CA12: variants seen among roughly 807,000 people sequenced by gnomAD.
CA12 encodes carbonate dehydratase XII.
CA12 carries 36 observed loss-of-function variants against 46.8 expected under a neutral mutation model. The observed-to-expected ratio is 0.77, with a 90% CI of 0.59 to 1.02. The LOEUF is 1.02. Among genes scored for constraint, CA12 ranks in the 50% least tolerant of loss-of-function variants. CA12 has a pLI of 0.00. For missense variants in CA12, 436 were observed against 451.4 expected, an observed-to-expected ratio of 0.97 and a Z score of 0.31; for synonymous variants, 202 against 187.0, an observed-to-expected ratio of 1.08 and a Z score of -0.65.
Position 63,340,473 on chromosome 15 carries a change from G to T in CA12, c.590-28C>A. ...AGAGAGACATGTTGCAGAGGTGATA[G>T]TGTCAGCCTCCCTCCGTAGGGCATA... On this transcript the variant is annotated intron_variant, in intron 6 of 10. Coordinates refer to ENST00000178638, the MANE Select transcript of CA12 (RefSeq NM_001218.5). This position sits in a 1 kb window ranked among gnomAD's most constrained non-coding sequence, Gnocchi z 4.4. The T allele has an allele frequency of 1.2e-6, 2 of 1,613,962 alleles. No individual in the cohort carries two copies. The highest frequency in any genetic ancestry group is 2.2e-5 in the East Asian group (1 of 44,886).
intron 4 of CA12, 37 bp from the exon 5 acceptor site, chr15:63,342,134 C>T (rs762348184): frequency 1.5e-5 from 20 of 1,357,000 alleles, no homozygotes; most frequent in Non-Finnish European, 1.8e-5. Context: ...AGGAGATAAG[C>T]GACTCATGGG....
intron 2 of CA12, 143 bp from the exon 3 acceptor site, chr15:63,346,852 G>GAA: frequency 1.0e-6 from 1 of 964,516 alleles, no homozygotes; most frequent in Non-Finnish European, 1.6e-6. Flanking sequence ...TCAGAGTCTT[G>GAA]GCCTCCAGAA....
Position 63,339,005 on chromosome 15 carries a change from G to A in CA12, c.748-60C>T. 6.2e-7 allele frequency: 1 copy of A among 1,606,834 alleles called. No individual in the cohort carries two copies. ...ATGACCTCCTCACCTGATCCCCTGG[G>A]AAGAGGCTAGCTCTCCGCTCTTGCA... On this transcript the variant is annotated intron_variant, in intron 7 of 10. Transcript: ENST00000178638. The surrounding 1 kb of genome is among the most constrained non-coding windows in gnomAD (Gnocchi z 4.3).
rs1196425420 is a variant in CA12, at chr15:63,372,600, C to G, written c.106+3058G>C. Among the ~76,000 whole-genome samples, 1 of 152,226 alleles carries G rather than the reference C, an allele frequency of 6.6e-6. No homozygotes were observed. On this transcript the variant is annotated intron_variant, in intron 2 of 10. Coordinates refer to ENST00000178638, the MANE Select transcript of CA12 (RefSeq NM_001218.5). The surrounding 1 kb of genome is among the most constrained non-coding windows in gnomAD (Gnocchi z 4.5). Reference sequence around the variant, plus strand: ...TGAGCCACCATGCCCAGCACGGAGCCTTTGGTTGGACTTGCCCCATTCAGT... The same window carrying G: ...TGAGCCACCATGCCCAGCACGGAGCGTTTGGTTGGACTTGCCCCATTCAGT...
chr15:63,351,431 T>G (rs2039230752), intron 2 of CA12, among the ~76,000 whole-genome samples: 1 of 152,072 alleles, frequency 6.6e-6, no homozygotes, highest in Admixed American at 6.6e-5. Context: ...TACACTCCCT[T>G]TCTCCCTAGC....
Position 63,327,295 on chromosome 15 carries a change from C to G in CA12, c.908-62G>C. The G allele has an allele frequency of 7.6e-7, 1 of 1,323,760 alleles. No homozygotes were observed. Among genetic ancestry groups the G allele is most frequent in the Non-Finnish European group, 1.1e-6 (1 of 934,344 alleles). The allele number at this position is 1,323,760 out of a possible 1,614,324, so 82.0% of individuals were successfully genotyped here. On this transcript the variant is annotated intron_variant, in intron 9 of 10. Transcript: ENST00000178638. This position sits in a 1 kb window ranked among gnomAD's most constrained non-coding sequence, Gnocchi z 4.5. The stretch of plus-strand genomic sequence containing the variant: ...CCTTCCCCTCCATCTTAGCCCATGG[C>G]CCCCGGGTGTGAAATCATGGCCCAG...
intron 2 of CA12, among the ~76,000 whole-genome samples, chr15:63,363,367 T>G (rs1353223080): frequency 6.6e-6 from 1 of 152,186 alleles, no homozygotes; most frequent in Non-Finnish European, 1.5e-5. Flanking sequence ...CAAAAATTAA[T>G]AGAGAAATAA....
At position 63,381,649 on chromosome 15, in the gene CA12, C is replaced by G; in HGVS notation, c.72G>C (p.Pro24=). ...LVILKEQPSS[P]APVNGSKWTY... The stretch of plus-strand genomic sequence containing the variant: ...CGGAAACTTTACCGTTCACTGGGGC[C>G]GGGCTGGAAGGCTGTTCCTTTAAGA... The change falls in exon 1 of 11, where the codon CCG becomes CCC. Residue 24 remains proline, a synonymous_variant. Transcript: ENST00000178638. The G allele has an allele frequency of 6.2e-7, 1 of 1,611,464 alleles. No homozygotes were observed. The highest frequency in any genetic ancestry group is 8.5e-7 in the Non-Finnish European group (1 of 1,178,872).
rs1425361639 is a variant in CA12, at chr15:63,326,100, G to A, written c.*185C>T. On this transcript the variant is annotated 3_prime_UTR_variant, in exon 11 of 11. Transcript: ENST00000178638. ...TGAGAGTGCATCCCATCCATCGATC[G>A]GATGGCTCTGGGGTGGCCATGGTCC... 1.6e-5 allele frequency: 10 copies of A among 619,636 alleles called. No homozygotes were observed. In the East Asian group the frequency reaches 2.0e-4, roughly 12 times the overall value. The allele number at this position is 619,636 out of a possible 1,614,324, so 38.4% of individuals were successfully genotyped here.
intron 8 of CA12, among the ~76,000 whole-genome samples, chr15:63,335,495 A>G (rs1343810375): frequency 2.6e-5 from 4 of 151,332 alleles, no homozygotes; most frequent in African/African-American, 9.7e-5. Context: ...ACAGGGTCTC[A>G]CTCTGTCACC....
intron 2 of CA12, among the ~76,000 whole-genome samples, chr15:63,349,154 G>C (rs928004469): frequency 6.6e-6 from 1 of 152,180 alleles, no homozygotes. Flanking sequence ...AATGGTGGGG[G>C]TGGTGGGCGT....
At position 63,355,751 on chromosome 15, in the gene CA12, C is replaced by G. The variant is rs908027685; in HGVS notation, c.107-9042G>C. On this transcript the variant is annotated intron_variant, in intron 2 of 10. Transcript: ENST00000178638. This position sits in a 1 kb window ranked among gnomAD's most constrained non-coding sequence, Gnocchi z 4.1. ...GAAAACTAGCCAGGCCTGAGCCCCC[C>G]ATCAGTGCTCACCACATGTTATCCT... 1.3e-5 allele frequency among the ~76,000 whole-genome samples: 2 copies of G among 152,012 alleles called. No homozygotes were observed. Among genetic ancestry groups the G allele is most frequent in the African/African-American group, 4.8e-5 (2 of 41,238 alleles).
intron 1 of CA12, 102 bp downstream of exon 1, chr15:63,381,534 T>C: frequency 3.1e-6 from 3 of 975,850 alleles, no homozygotes; most frequent in Non-Finnish European, 4.8e-6. Context: ...ACACCTTCCC[T>C]GCTCCCCGCA....
chr15:63,343,279 CTTTTTTTTT>C (rs35290345), intron 4 of CA12, among the ~76,000 whole-genome samples: 1 of 98,772 alleles, frequency 1.0e-5, no homozygotes, highest in South Asian at 3.7e-4. Flanking sequence ...TAGAAAGAAT[CTTTTTTTTT>C]TTTTTTTTTT....
chr15:63,327,092 A>G lies in CA12; in HGVS notation c.992+57T>C. The G allele has an allele frequency of 1.6e-5, 23 of 1,474,706 alleles. 1 individual carries two copies. The highest frequency in any genetic ancestry group is 2.1e-5 in the Non-Finnish European group (22 of 1,053,822). 91.4% of individuals were successfully genotyped at this position (1,474,706 alleles called of 1,614,324 possible). ...GCCACAAAGCTGCCTTCCCAGGCAG[A>G]CTAATCATCATGGACACATAGCTGT... is the stretch of plus-strand genomic sequence containing the variant. On this transcript the variant is annotated intron_variant, in intron 10 of 10. Coordinates refer to ENST00000178638, the MANE Select transcript of CA12 (RefSeq NM_001218.5). This position sits in a 1 kb window ranked among gnomAD's most constrained non-coding sequence, Gnocchi z 4.5.
rs34038507 is a variant in CA12 at position 63,373,357 on chromosome 15, CAA to C, written c.106+2299_106+2300del. On this transcript the variant is annotated intron_variant, in intron 2 of 10. Transcript: ENST00000178638. This position sits in a 1 kb window ranked among gnomAD's most constrained non-coding sequence, Gnocchi z 4.9. ...TCCACCCTGGGTGAGAATGAGACTC[CAA>C]AAAAAAAAAAAAAATTTGTCCTCCC... Among the ~76,000 whole-genome samples the C allele has an allele frequency of 7.2e-5, 10 of 139,058 alleles. No individual in the cohort carries two copies. The highest frequency in any genetic ancestry group is 7.1e-5 in the Admixed American group (1 of 14,104). The allele number at this position is 139,058 out of a possible 152,430, so 91.2% of individuals were successfully genotyped here.
At position 63,345,934 on chromosome 15, in the gene CA12, G is replaced by C. The variant is rs1567045946; in HGVS notation, c.287-315C>G. Among the ~76,000 whole-genome samples, 1 of 152,236 alleles carries C rather than the reference G, an allele frequency of 6.6e-6. No individual in the cohort carries two copies. Among genetic ancestry groups the C allele is most frequent in the Non-Finnish European group, 1.5e-5 (1 of 68,046 alleles). ...TGTTTATTTACATATTGATGGATCA[G>C]ACACCTTTAGTGAAGTACCTTCCAA... On this transcript the variant is annotated intron_variant, in intron 3 of 10. Transcript: ENST00000178638. This position sits in a 1 kb window ranked among gnomAD's most constrained non-coding sequence, Gnocchi z 4.3.
At chr15:63,335,968 G>GCC (rs1206927454) in intron 8 of CA12, among the ~76,000 whole-genome samples, 3 of 152,116 alleles carry the variant, frequency 2.0e-5, no homozygotes, top group South Asian at 4.1e-4. Context: ...TGCTGCCTGT[G>GCC]TCTTTGGGAA....
chr15:63,337,815 G>T (rs545308099), intron 8 of CA12, among the ~76,000 whole-genome samples: 23 of 152,314 alleles, frequency 1.5e-4, no homozygotes, highest in African/African-American at 5.5e-4. Flanking sequence ...GACCTCAGGT[G>T]ATCCGCTTGC....
Sources: gnomAD v4.1 joint callset for allele counts (sites outside exome capture counted in the v4.1 genomes callset) on GRCh38, gnomAD v4.1.1 for gene constraint, Gnocchi (gnomAD v3.1) non-coding constraint, MANE v1.5 for transcripts, NCBI Gene and HGNC (gene_info 2026-07-23, HGNC 2026-07-21) for gene names.